Variants in MGAM2 observed in about 807,000 individuals in gnomAD.
MGAM2 encodes the protein maltase-glucoamylase 2 (putative), also known as probable maltase-glucoamylase 2.
Under a neutral mutation model 96.1 loss-of-function variants are expected in MGAM2, and 98 were observed. That is an observed-to-expected ratio of 1.02 (90% CI 0.87 to 1.21). The LOEUF is 1.21. MGAM2 is among the 50% of genes most tolerant of loss of function. The probability of loss-of-function intolerance (pLI) is 0.00; values close to 1 mark genes in which losing one functional copy is unlikely to be tolerated. For missense variants in MGAM2, 2,055 were observed against 1,182.4 expected (o/e 1.74, Z -10.82); for synonymous variants, 749 against 414.8 (o/e 1.81, Z -9.79).
intron 3 of MGAM2, among the ~76,000 whole-genome samples, chr7:142,127,366 T>A (rs1054050740): frequency 1.2e-4 from 18 of 152,204 alleles, no homozygotes; most frequent in East Asian, 7.7e-4. Context: ...CCATTTTTTT[T>A]ATATTATTTT....
chr7:142,153,915 G>C (rs1012838674), intron 15 of MGAM2, 103 bp from the exon 16 acceptor site: 3 of 485,426 alleles, frequency 6.2e-6, no homozygotes, highest in African/African-American at 5.7e-5. Context: ...CCCTCATGTT[G>C]TTTTCTCAGT....
intron 32 of MGAM2, among the ~76,000 whole-genome samples, chr7:142,179,238 G>A (rs1350692899): frequency 1.3e-5 from 2 of 152,076 alleles, no homozygotes; most frequent in African/African-American, 2.4e-5. Context: ...GTTGTTTATC[G>A]GTTCTAGGAG....
Position 142,177,949 on chromosome 7 carries a change from CT to C in MGAM2, c.3816+2172del, listed in dbSNP as rs143070652. Among the ~76,000 whole-genome samples the C allele has an allele frequency of 3.4e-3, 516 of 152,274 alleles. 2 individuals carry two copies. Among genetic ancestry groups the C allele is most frequent in the African/African-American group, 0.012 (503 of 41,566 alleles). On this transcript the variant is annotated intron_variant, in intron 32 of 47. Coordinates refer to ENST00000477922, the MANE Select transcript of MGAM2 (RefSeq NM_001293626.2). ...AGTTATTTGAGAAATCTCCAAATTG[CT>C]TTCCACTGTGCCTGAACTAATTTAC...
At chr7:142,149,896 T>A (rs1235815928) in intron 15 of MGAM2, among the ~76,000 whole-genome samples, 5 of 151,964 alleles carry the variant, frequency 3.3e-5, no homozygotes. Flanking sequence ...TGTTACCTGT[T>A]TTCACCTAAT....
chr7:142,198,344 T>C, intron 43 of MGAM2, 149 bp downstream of exon 43: 1 of 605,978 alleles, frequency 1.7e-6, no homozygotes, highest in Non-Finnish European at 2.9e-6. Context: ...AAAGCATGTA[T>C]AAGAGCATAG....
At chr7:142,202,833 A>G (rs949755371) in intron 45 of MGAM2, among the ~76,000 whole-genome samples, 2 of 152,290 alleles carry the variant, frequency 1.3e-5, no homozygotes, top group East Asian at 3.9e-4. Flanking sequence ...GGACATACCA[A>G]GTAATGAGAT....
In MGAM2 at chr7:142,199,973, G is replaced by A. The variant is rs1228112980; in HGVS notation, c.5137+5G>A. 6.0e-6 allele frequency: 4 copies of A among 662,670 alleles called. No individual in the cohort carries two copies. The Admixed American group carries it at 6.5e-5, about 11-fold the overall frequency. 41.0% of individuals were successfully genotyped at this position (662,670 alleles called of 1,614,324 possible). A position where few individuals can be genotyped will look rare whatever the true frequency, so the allele number is the denominator to read the frequency against. On this transcript the variant is annotated splice_donor_5th_base_variant and intron_variant, in intron 45 of 47. Transcript: ENST00000477922. ...GGGATGATGGACAAAGCATTGGTGA[G>A]TATAAACTTTCCAGGGTCCCTGTAC...
chr7:142,179,885 A>T (rs1005211447), intron 32 of MGAM2, among the ~76,000 whole-genome samples: 1 of 152,048 alleles, frequency 6.6e-6, no homozygotes, highest in African/African-American at 2.4e-5. Context: ...ATAATCAGTT[A>T]GGGAGGCATC....
intron 46 of MGAM2, among the ~76,000 whole-genome samples, chr7:142,211,369 G>T (rs1400769427): frequency 2.6e-5 from 4 of 152,220 alleles, no homozygotes; most frequent in Non-Finnish European, 5.9e-5. Context: ...ATAGGCTTCA[G>T]AAGGTGGGTA....
At chr7:142,114,715 A>G (rs78783592) in intron 1 of MGAM2, among the ~76,000 whole-genome samples, 1 of 152,330 alleles carries the variant, frequency 6.6e-6, no homozygotes, top group East Asian at 1.9e-4. Context: ...AAACAAGAAG[A>G]GGAAAAACTG....
At chr7:142,215,468 A>C (rs1445113370) in intron 46 of MGAM2, among the ~76,000 whole-genome samples, 1 of 152,078 alleles carries the variant, frequency 6.6e-6, no homozygotes, top group Non-Finnish European at 1.5e-5. Flanking sequence ...TAAAAAAAAA[A>C]AAAAACATTT....
rs191365357 is a variant in MGAM2 at position 142,190,493 on chromosome 7, C to T, written c.4346+988C>T. Among the ~76,000 whole-genome samples, 15 of 151,994 alleles carry T rather than the reference C, an allele frequency of 9.9e-5. No individual in the cohort carries two copies. In the East Asian group the frequency reaches 2.5e-3, roughly 26 times the overall value. On this transcript the variant is annotated intron_variant, in intron 37 of 47. Coordinates refer to ENST00000477922, the MANE Select transcript of MGAM2 (RefSeq NM_001293626.2). Reference sequence around the variant, plus strand: ...TTCGCCATGTTGGCCAGGCTGGTCTCGAGCTCCTGACCCCAGGTGATCCAC... The same window carrying T: ...TTCGCCATGTTGGCCAGGCTGGTCTTGAGCTCCTGACCCCAGGTGATCCAC...
Position 142,199,874 on chromosome 7 carries a change from T to TTA in MGAM2, c.5049-6_5049-5insTA, listed in dbSNP as rs1797168028. The TTA allele has an allele frequency of 1.5e-6, 1 of 675,220 alleles. No individual in the cohort carries two copies. Among genetic ancestry groups the TTA allele is most frequent in the African/African-American group, 1.8e-5 (1 of 54,980 alleles). The allele number at this position is 675,220 out of a possible 1,614,324, so 41.8% of individuals were successfully genotyped here. On this transcript the variant is annotated splice_polypyrimidine_tract_variant and splice_region_variant and intron_variant, in intron 44 of 47. Coordinates refer to ENST00000477922, the MANE Select transcript of MGAM2 (RefSeq NM_001293626.2). ...GAAAAATAACTCTTTTTTTTTTTTT[T>TTA]GGTAGTCGACAAAATTTTATGGGAT...
At chr7:142,189,567 A>T (rs1049634812) in intron 37 of MGAM2, 62 bp downstream of exon 37, 18 of 614,376 alleles carry the variant, frequency 2.9e-5, no homozygotes, top group Non-Finnish European at 4.6e-5. Context: ...TTGCCATTTC[A>T]TATTTGCATT....
Position 142,167,272 on chromosome 7 carries a change from C to T in MGAM2, c.2813C>T (p.Thr938Ile). The change falls in exon 26 of 48, where the codon ACA (threonine) becomes ATA (isoleucine). Residue 938 changes from threonine (T) to isoleucine (I), a missense_variant. Transcript: ENST00000477922. ...CRQRGCLWEDTSTPGVPTCYY... is the reference protein window; with the variant it reads ...CRQRGCLWEDISTPGVPTCYY... ...GACTTTCTCCTGTTATTCCAGGACA[C>T]ATCTACTCCTGGAGTGCCCACCTGT... The T allele has an allele frequency of 1.4e-6, 1 of 690,904 alleles. No individual in the cohort carries two copies. Among genetic ancestry groups the T allele is most frequent in the Non-Finnish European group, 2.6e-6 (1 of 378,062 alleles). 42.8% of individuals were successfully genotyped at this position (690,904 alleles called of 1,614,324 possible).
intron 32 of MGAM2, among the ~76,000 whole-genome samples, chr7:142,182,465 C>T (rs1796573360): frequency 1.3e-5 from 2 of 152,186 alleles, no homozygotes; most frequent in Non-Finnish European, 2.9e-5. Context: ...GGGGCTAGAG[C>T]CACTCAGAGC....
chr7:142,218,653 T>C, intron 47 of MGAM2, 122 bp downstream of exon 47: 1 of 585,822 alleles, frequency 1.7e-6, no homozygotes, highest in Non-Finnish European at 3.0e-6. Flanking sequence ...TAGATGGTTA[T>C]AAATACGTGC....
intron 17 of MGAM2, among the ~76,000 whole-genome samples, chr7:142,156,785 G>A (rs1795749354): frequency 6.6e-6 from 1 of 152,184 alleles, no homozygotes. Flanking sequence ...AAAAGTTCAG[G>A]TAACTTTATC....
At chr7:142,170,646 A>G (rs1796158111) in intron 27 of MGAM2, among the ~76,000 whole-genome samples, 1 of 152,174 alleles carries the variant, frequency 6.6e-6, no homozygotes, top group Non-Finnish European at 1.5e-5. Flanking sequence ...TTCTGTGGAC[A>G]CAGAAGCCTT....
Sources: allele counts gnomAD v4.1 joint callset (sites outside exome capture counted in the v4.1 genomes callset), GRCh38; gene constraint gnomAD v4.1.1; transcripts MANE v1.5; gene names NCBI Gene and HGNC (gene_info 2026-07-23, HGNC 2026-07-21).